Variants in GCLM observed in about 807,000 individuals in gnomAD.
The protein encoded by GCLM is glutamate-cysteine ligase modifier subunit.
A neutral mutation model predicts 36.0 loss-of-function variants in GCLM; 15 were observed. The ratio of observed to expected loss-of-function variants is 0.42; its 90% confidence interval spans 0.28 to 0.64. The LOEUF (loss-of-function observed/expected upper bound fraction) is 0.64. Among genes scored for constraint, GCLM ranks in the 30% least tolerant of loss-of-function variants. GCLM has a pLI of 0.25. For synonymous variants in GCLM, 129 were observed against 122.8 expected (o/e 1.05, Z -0.34); for missense variants, 242 against 325.5 (o/e 0.74, Z 1.97).
At chr1:93,896,951 T>C in intron 4 of GCLM, 131 bp from the exon 5 acceptor site, 5 of 629,170 alleles carry the variant, frequency 7.9e-6, no homozygotes, top group Non-Finnish European at 1.1e-5. Flanking sequence ...GATTATTTCA[T>C]AGTTTACTTT....
At chr1:93,898,767 G>T (rs1009731130) in intron 3 of GCLM, among the ~76,000 whole-genome samples, 1 of 152,080 alleles carries the variant, frequency 6.6e-6, no homozygotes, top group Non-Finnish European at 1.5e-5. Flanking sequence ...TAGGACTACA[G>T]GCATGTACCA....
At chr1:93,901,057 G>C (rs1656930550) in intron 3 of GCLM, among the ~76,000 whole-genome samples, 2 of 152,204 alleles carry the variant, frequency 1.3e-5, no homozygotes, top group African/African-American at 4.8e-5. Flanking sequence ...TGAGGGCAGA[G>C]ATGGCGCATC....
chr1:93,908,164 G>A (rs1434281923), intron 1 of GCLM, among the ~76,000 whole-genome samples: 1 of 152,136 alleles, frequency 6.6e-6, no homozygotes, highest in Middle Eastern at 3.2e-3. Flanking sequence ...TAAATCTAAA[G>A]ATTTTGTTAT....
chr1:93,898,629 C>T (rs1656828882), intron 3 of GCLM, among the ~76,000 whole-genome samples: 1 of 151,804 alleles, frequency 6.6e-6, no homozygotes, highest in Non-Finnish European at 1.5e-5. Flanking sequence ...TGTGAATCAC[C>T]ACAATTTTTT....
chr1:93,897,858 A>T lies in GCLM; in HGVS notation c.318T>A (p.Thr106=). 6.4e-7 allele frequency: 1 copy of T among 1,554,266 alleles called. No homozygotes were observed. Among genetic ancestry groups the T allele is most frequent in the Non-Finnish European group, 8.6e-7 (1 of 1,157,948 alleles). Residue 106 remains threonine (T), a synonymous_variant, in exon 4 of 7, where the codon ACT becomes ACA. Transcript: ENST00000370238. ...GCTTACCCATGTCAACTGCACTTCTAGTTGATGATGAAGAGTTTGATTCTA... is the reference window on the plus strand; with the variant it reads ...GCTTACCCATGTCAACTGCACTTCTTGTTGATGATGAAGAGTTTGATTCTA... ...FIVESNSSSS[T]RSAVDMACSV...
intron 6 of GCLM, among the ~76,000 whole-genome samples, 183 bp downstream of exon 6, chr1:93,894,431 G>A (rs1386526728): frequency 6.6e-6 from 1 of 151,624 alleles, no homozygotes; most frequent in Non-Finnish European, 1.5e-5. Flanking sequence ...TTCCCCATTG[G>A]TACAGAGATA....
chr1:93,898,237 T>C (rs1656804291), intron 3 of GCLM, among the ~76,000 whole-genome samples: 1 of 141,746 alleles, frequency 7.1e-6, no homozygotes, highest in African/African-American at 2.6e-5. Flanking sequence ...GAGCACATTA[T>C]ATATTCTCCA....
intron 5 of GCLM, 113 bp from the exon 6 acceptor site, chr1:93,894,841 C>G (rs1055744527): frequency 4.9e-6 from 3 of 610,186 alleles, no homozygotes; most frequent in Non-Finnish European, 8.9e-6. Flanking sequence ...AAATCACAAT[C>G]CACAGTGATT....
intron 1 of GCLM, among the ~76,000 whole-genome samples, chr1:93,907,940 C>A (rs909900024): frequency 1.3e-5 from 2 of 152,166 alleles, no homozygotes; most frequent in Non-Finnish European, 2.9e-5. Context: ...CACTTAGGAA[C>A]ACAGCTGATT....
intron 2 of GCLM, chr1:93,904,187 T>G (rs765093593): frequency 2.7e-5 from 7 of 263,710 alleles, no homozygotes; most frequent in Non-Finnish European, 5.1e-5. Flanking sequence ...TCTAGTGATG[T>G]TGAGTCTACT....
intron 1 of GCLM, among the ~76,000 whole-genome samples, chr1:93,905,393 C>A (rs1284940965): frequency 6.6e-6 from 1 of 152,068 alleles, no homozygotes; most frequent in Non-Finnish European, 1.5e-5. Flanking sequence ...ACTCCTGAGC[C>A]TAATCCTAGA....
chr1:93,908,996 G>C (rs1190549799), intron 1 of GCLM, 42 bp downstream of exon 1: 2 of 1,408,884 alleles, frequency 1.4e-6, no homozygotes, highest in South Asian at 1.4e-5. Flanking sequence ...CCCCGCCCGA[G>C]GCCTGCCCCG....
intron 3 of GCLM, among the ~76,000 whole-genome samples, chr1:93,899,012 G>C (rs1488355406): frequency 6.6e-6 from 1 of 152,096 alleles, no homozygotes. Context: ...TTACTGTTTA[G>C]ATTTCTGTGT....
intron 3 of GCLM, among the ~76,000 whole-genome samples, chr1:93,901,327 G>C (rs1656940862): frequency 6.6e-6 from 1 of 152,030 alleles, no homozygotes; most frequent in Non-Finnish European, 1.5e-5. Context: ...CTACTGCTCT[G>C]AAGTTTGACA....
At chr1:93,899,128 G>A (rs981118873) in intron 3 of GCLM, among the ~76,000 whole-genome samples, 2 of 150,832 alleles carry the variant, frequency 1.3e-5, no homozygotes, top group Middle Eastern at 3.4e-3. Flanking sequence ...TCACTCTGTC[G>A]CCCAGTGGTG....
At position 93,886,004 on chromosome 1, in the gene GCLM, A is replaced by G. The variant is rs1656286993; in HGVS notation, c.*2986T>C. On this transcript the variant is annotated 3_prime_UTR_variant, in exon 7 of 7. Transcript: ENST00000370238. ...GATCTTTTTTGAAAAATGAAAAATT[A>G]TTAGCTATTATTTGTGATTCAATTT... The G allele has an allele frequency of 6.6e-6, 1 of 152,206 alleles. No homozygotes were observed. The highest frequency in any genetic ancestry group is 6.5e-5 in the Admixed American group (1 of 15,276). 9.4% of individuals were successfully genotyped at this position (152,206 alleles called of 1,614,324 possible).
Position 93,904,511 on chromosome 1 carries a change from C to A in GCLM, c.192+12G>T. On this transcript the variant is annotated intron_variant, in intron 2 of 6. Transcript: ENST00000370238. ...TTGACCTGCATGATTTTTGCATTCA[C>A]ATTTCACTTACCCTGACCAAATCTG... 6.4e-7 allele frequency: 1 copy of A among 1,564,058 alleles called. No homozygotes were observed. Among genetic ancestry groups the A allele is most frequent in the Middle Eastern group, 1.7e-4 (1 of 5,964 alleles).
At chr1:93,902,217 G>A (rs1393491692) in intron 2 of GCLM, among the ~76,000 whole-genome samples, 3 of 151,954 alleles carry the variant, frequency 2.0e-5, no homozygotes, top group East Asian at 3.9e-4. Flanking sequence ...TCGCTCTGTC[G>A]CCCAGGCTGG....
chr1:93,906,077 A>G (rs540229436), intron 1 of GCLM, among the ~76,000 whole-genome samples: 29 of 152,202 alleles, frequency 1.9e-4, no homozygotes, highest in Non-Finnish European at 3.1e-4. Flanking sequence ...ATAAAAACTG[A>G]TACAATCACT....
Sources: gnomAD v4.1 joint callset for allele counts (sites outside exome capture counted in the v4.1 genomes callset) on GRCh38, gnomAD v4.1.1 for gene constraint, MANE v1.5 for transcripts, NCBI Gene and HGNC (gene_info 2026-07-23, HGNC 2026-07-21) for gene names.